Variants in NCKAP1 observed in about 807,000 individuals in gnomAD.
The protein encoded by NCKAP1 is nck-associated protein 1.
A neutral mutation model predicts 151.2 loss-of-function variants in NCKAP1; 21 were observed. That is an observed-to-expected ratio of 0.14 (90% confidence interval 0.10 to 0.20). The LOEUF (loss-of-function observed/expected upper bound fraction) is 0.20, where lower values mean the gene tolerates loss of function less well. Among genes scored for constraint, NCKAP1 ranks in the 10% least tolerant of loss-of-function variants. The probability of loss-of-function intolerance (pLI) is 1.00; values close to 1 mark genes in which losing one functional copy is unlikely to be tolerated. For missense variants in NCKAP1, 933 were observed against 1,352.1 expected, an observed-to-expected ratio of 0.69 and a Z score of 4.86; for synonymous variants, 484 against 451.8, an observed-to-expected ratio of 1.07 and a Z score of -0.90.
rs978137321 is a variant in NCKAP1 at position 183,037,520 on chromosome 2, T to A, written c.108+472A>T. Among the ~76,000 whole-genome samples the A allele has an allele frequency of 5.3e-5, 8 of 152,212 alleles. 1 individual carries two copies. The highest frequency in any genetic ancestry group is 5.2e-4 in the Admixed American group (8 of 15,288). On this transcript the variant is annotated intron_variant, in intron 1 of 30. Transcript: ENST00000361354. Reference sequence around the variant, plus strand: ...GGGATTCATCCAATCAGCCCTTCTCTACCCACATTCCCACACCAAAAAATG... The same window carrying A: ...GGGATTCATCCAATCAGCCCTTCTCAACCCACATTCCCACACCAAAAAATG...
intron 1 of NCKAP1, among the ~76,000 whole-genome samples, chr2:183,025,548 TAAAAC>T (rs1383741398): frequency 1.3e-5 from 2 of 152,120 alleles, no homozygotes; most frequent in African/African-American, 4.8e-5. Flanking sequence ...TATAATTAAA[TAAAAC>T]AAAATCTTAA....
At chr2:183,026,829 G>A (rs1267826454) in intron 1 of NCKAP1, among the ~76,000 whole-genome samples, 1 of 152,128 alleles carries the variant, frequency 6.6e-6, no homozygotes, top group Non-Finnish European at 1.5e-5. Context: ...AAAATGATAA[G>A]CACATAAGTG....
At chr2:183,029,451 C>A (rs1047022240) in intron 1 of NCKAP1, among the ~76,000 whole-genome samples, 1 of 151,490 alleles carries the variant, frequency 6.6e-6, no homozygotes, top group Non-Finnish European at 1.5e-5. Flanking sequence ...CAAGAACTTA[C>A]CATGATGCCA....
chr2:182,973,436 G>A (rs1051770816), intron 15 of NCKAP1, among the ~76,000 whole-genome samples: 7 of 152,080 alleles, frequency 4.6e-5, no homozygotes, highest in African/African-American at 1.7e-4. Context: ...ACAACAGAAT[G>A]AGATCACTTA....
chr2:183,018,525 C>G (rs910559778), intron 2 of NCKAP1, among the ~76,000 whole-genome samples: 16 of 152,148 alleles, frequency 1.1e-4, no homozygotes, highest in African/African-American at 3.9e-4. Context: ...CTCCCTACAC[C>G]TATCACCAAT....
chr2:183,006,952 A>G (rs1012903204), intron 2 of NCKAP1, among the ~76,000 whole-genome samples: 1 of 151,754 alleles, frequency 6.6e-6, no homozygotes, highest in Admixed American at 6.6e-5. Context: ...GCTCACTGCA[A>G]TCTCTGCCTT....
chr2:183,003,898 G>C (rs557279888), intron 2 of NCKAP1, among the ~76,000 whole-genome samples: 3 of 127,776 alleles, frequency 2.3e-5, no homozygotes, highest in Non-Finnish European at 4.9e-5. Flanking sequence ...AGCAAAACTA[G>C]AGTTAAGACA....
At chr2:182,987,437 T>C (rs952450074) in intron 9 of NCKAP1, among the ~76,000 whole-genome samples, 2 of 152,280 alleles carry the variant, frequency 1.3e-5, no homozygotes, top group South Asian at 2.1e-4. Flanking sequence ...TATTTTAAAC[T>C]GGATGATCAT....
intron 15 of NCKAP1, among the ~76,000 whole-genome samples, chr2:182,972,753 T>A (rs973755799): frequency 6.6e-6 from 1 of 152,200 alleles, no homozygotes; most frequent in African/African-American, 2.4e-5. Flanking sequence ...TGCAACAACA[T>A]AGACGGAACT....
chr2:182,921,054 T>A lies in NCKAP1; in HGVS notation c.*4648A>T, dbSNP rs902659420. ...ACCACAAAATCTTCAAATCCCAGAG[T>A]TGAAGAAAACACTTTTAGTCAGTTA... On this transcript the variant is annotated 3_prime_UTR_variant, in exon 31 of 31. Coordinates refer to ENST00000361354, the MANE Select transcript of NCKAP1 (RefSeq NM_013436.5). 1 of 152,106 alleles carries A rather than the reference T, an allele frequency of 6.6e-6. No homozygotes were observed. The highest frequency in any genetic ancestry group is 6.5e-5 in the Admixed American group (1 of 15,268). 9.4% of individuals were successfully genotyped at this position (152,106 alleles called of 1,614,324 possible). A position where few individuals can be genotyped will look rare whatever the true frequency, so the allele number is the denominator to read the frequency against.
chr2:183,036,892 C>T (rs749927521), intron 1 of NCKAP1, among the ~76,000 whole-genome samples: 1 of 150,832 alleles, frequency 6.6e-6, no homozygotes, highest in Non-Finnish European at 1.5e-5. Flanking sequence ...TAAACGGTAA[C>T]ATTCACGATA....
chr2:183,037,408 A>T (rs908951255), intron 1 of NCKAP1, among the ~76,000 whole-genome samples: 6 of 152,208 alleles, frequency 3.9e-5, no homozygotes, highest in Non-Finnish European at 8.8e-5. Context: ...CTCCACCTTC[A>T]AAATGAAATA....
At chr2:183,033,412 A>C (rs1359876687) in intron 1 of NCKAP1, among the ~76,000 whole-genome samples, 1 of 152,150 alleles carries the variant, frequency 6.6e-6, no homozygotes, top group South Asian at 2.1e-4. Flanking sequence ...CCTCTTTACC[A>C]TCTCTCCCAG....
intron 2 of NCKAP1, among the ~76,000 whole-genome samples, chr2:183,016,161 AG>A (rs1166854624): frequency 2.3e-4 from 35 of 152,320 alleles, no homozygotes; most frequent in Non-Finnish European, 3.1e-4. Flanking sequence ...AAAGTAAACT[AG>A]GAGATATTCA....
intron 24 of NCKAP1, among the ~76,000 whole-genome samples, chr2:182,939,297 AG>A (rs1289783461): frequency 6.6e-6 from 1 of 152,178 alleles, no homozygotes; most frequent in Non-Finnish European, 1.5e-5. Context: ...TAGGAGGTCG[AG>A]GAGGATGGAT....
chr2:182,952,069 T>C (rs1005002576), intron 23 of NCKAP1, among the ~76,000 whole-genome samples: 3 of 152,180 alleles, frequency 2.0e-5, no homozygotes, highest in African/African-American at 7.2e-5. Context: ...TGTGAACAAA[T>C]TGTTAACTTT....
rs932169042 is a variant in NCKAP1 at position 183,038,021 on chromosome 2, T to A, written c.79A>T (p.Met27Leu). The change falls in exon 1 of 31, where the codon ATG (methionine) becomes TTG (leucine). Residue 27 changes from methionine to leucine, a missense_variant. Met to Leu is a conservative substitution (Grantham distance 15, BLOSUM62 2). Around this residue, in one of 2 missense-constraint regions of NCKAP1, gnomAD observed 607 missense variants for 795.0 expected, o/e 0.76. Coordinates refer to ENST00000361354, the MANE Select transcript of NCKAP1 (RefSeq NM_013436.5). ...LTILNDRGVGMLTRLYNIKKA... is the reference protein window; with the variant it reads ...LTILNDRGVGLLTRLYNIKKA... ...TTGATGTTGTAGAGGCGGGTGAGCATGCCGACGCCCCGGTCGTTGAGGATG... is the reference window on the plus strand; with the variant it reads ...TTGATGTTGTAGAGGCGGGTGAGCAAGCCGACGCCCCGGTCGTTGAGGATG... 7.6e-6 allele frequency: 12 copies of A among 1,581,232 alleles called. No individual in the cohort carries two copies. The highest frequency in any genetic ancestry group is 1.0e-5 in the Non-Finnish European group (12 of 1,171,102).
In NCKAP1 at chr2:183,038,004, G is replaced by A. The variant is rs2105905575; in HGVS notation, c.96C>T (p.Tyr32=). 2 of 1,575,018 alleles carry A rather than the reference G, an allele frequency of 1.3e-6. No homozygotes were observed. Among genetic ancestry groups the A allele is most frequent in the Non-Finnish European group, 1.7e-6 (2 of 1,167,514 alleles). The change falls in exon 1 of 31, where the codon TAC becomes TAT. Residue 32 remains tyrosine, a synonymous_variant. Transcript: ENST00000361354. ...DRGVGMLTRL[Y]NIKKACGDPK... ...GGCCCGTGCGCACCTTCTTGATGTT[G>A]TAGAGGCGGGTGAGCATGCCGACGC...
At chr2:183,028,319 C>G (rs1484928621) in intron 1 of NCKAP1, among the ~76,000 whole-genome samples, 1 of 151,958 alleles carries the variant, frequency 6.6e-6, no homozygotes, top group African/African-American at 2.4e-5. Context: ...CTTGAGTCAG[C>G]ATATTTTCAT....
Sources: gnomAD v4.1 joint callset for allele counts (sites outside exome capture counted in the v4.1 genomes callset) on GRCh38, gnomAD v4.1.1 for gene constraint, gnomAD v4.1.1 regional missense constraint, MANE v1.5 for transcripts, NCBI Gene and HGNC (gene_info 2026-07-23, HGNC 2026-07-21) for gene names.